The following RABGAP1L variants were observed in gnomAD, a reference collection of about 807,000 sequenced individuals.
RABGAP1L encodes rab GTPase-activating protein 1-like.
A neutral mutation model predicts 137.7 loss-of-function variants in RABGAP1L; 63 were observed. That is an observed-to-expected ratio of 0.46 (90% CI 0.37 to 0.56). The LOEUF (loss-of-function observed/expected upper bound fraction) is 0.56, where lower values mean the gene tolerates loss of function less well. Among genes scored for constraint, RABGAP1L ranks in the 20% least tolerant of loss-of-function variants. The probability of loss-of-function intolerance (pLI) is 0.00; values close to 1 mark genes in which losing one functional copy is unlikely to be tolerated. For missense variants in RABGAP1L, 1,095 were observed against 1,244.0 expected, an observed-to-expected ratio of 0.88 and a Z score of 1.80; for synonymous variants, 431 against 433.7, an observed-to-expected ratio of 0.99 and a Z score of 0.08.
chr1:174,597,452 G>T (rs1261981855), intron 13 of RABGAP1L, among the ~76,000 whole-genome samples: 1 of 152,042 alleles, frequency 6.6e-6, no homozygotes, highest in Non-Finnish European at 1.5e-5. Flanking sequence ...TAGGTTATAT[G>T]TGTCTAGGAA....
At chr1:174,296,898 A>G (rs1266917373) in intron 10 of RABGAP1L, among the ~76,000 whole-genome samples, 1 of 152,202 alleles carries the variant, frequency 6.6e-6, no homozygotes, top group Non-Finnish European at 1.5e-5. Flanking sequence ...GGATTCTTTG[A>G]TAGGGAACTG....
At chr1:174,637,178 A>G (rs967494427) in intron 13 of RABGAP1L, among the ~76,000 whole-genome samples, 197 bp from the exon 14 acceptor site, 1 of 152,138 alleles carries the variant, frequency 6.6e-6, no homozygotes, top group African/African-American at 2.4e-5. Context: ...GTATAGATAG[A>G]TGGGTGAAAA....
At chr1:174,201,100 CT>C (rs745513094) in intron 1 of RABGAP1L, among the ~76,000 whole-genome samples, 10 of 151,992 alleles carry the variant, frequency 6.6e-5, no homozygotes, top group Non-Finnish European at 1.5e-4. Flanking sequence ...TTTATAGAAA[CT>C]ATTTTTTAAT....
At chr1:174,462,956 A>T (rs1444473916) in intron 13 of RABGAP1L, among the ~76,000 whole-genome samples, 1 of 152,242 alleles carries the variant, frequency 6.6e-6, no homozygotes, top group Admixed American at 6.5e-5. Flanking sequence ...TCAAAACCAC[A>T]ATGAGATACC....
intron 13 of RABGAP1L, among the ~76,000 whole-genome samples, chr1:174,514,257 A>AC (rs1662605968): frequency 6.6e-6 from 1 of 150,932 alleles, no homozygotes; most frequent in African/African-American, 2.4e-5. Context: ...CAAAAAAAAA[A>AC]AAAAAAAAAA....
intron 13 of RABGAP1L, among the ~76,000 whole-genome samples, chr1:174,614,518 C>T (rs1352067030): frequency 6.6e-6 from 1 of 152,144 alleles, no homozygotes; most frequent in Non-Finnish European, 1.5e-5. Flanking sequence ...ACATTTTTTC[C>T]TTCATTTCAG....
intron 20 of RABGAP1L, among the ~76,000 whole-genome samples, chr1:174,962,771 A>G (rs1280657645): frequency 2.0e-5 from 3 of 152,180 alleles, no homozygotes; most frequent in African/African-American, 7.2e-5. Flanking sequence ...TTTCTTACTC[A>G]GGGGAGTCAA....
chr1:174,917,416 C>T lies in RABGAP1L; in HGVS notation c.2341-40041C>T, dbSNP rs147936907. Among the ~76,000 whole-genome samples the T allele has an allele frequency of 1.0e-3, 152 of 152,250 alleles. 1 individual carries two copies. Among genetic ancestry groups the T allele is most frequent in the African/African-American group, 3.6e-3 (148 of 41,546 alleles). On this transcript the variant is annotated intron_variant, in intron 19 of 25. Transcript: ENST00000681986. ...TCAGAAGACAAACATTGAGGACTTA[C>T]ATTGGAGACACTGTTATGGCGATTG...
intron 17 of RABGAP1L, among the ~76,000 whole-genome samples, chr1:174,715,530 T>A (rs538797708): frequency 6.6e-6 from 1 of 152,362 alleles, no homozygotes; most frequent in African/African-American, 2.4e-5. Flanking sequence ...CTAAAAGATT[T>A]ACATACCTTG....
chr1:174,986,538 C>G (rs754623120), intron 24 of RABGAP1L, among the ~76,000 whole-genome samples: 1 of 152,338 alleles, frequency 6.6e-6, no homozygotes, highest in Non-Finnish European at 1.5e-5. Flanking sequence ...GTATCCACCA[C>G]ATTTTAGCAG....
rs534755457 is a variant in RABGAP1L, at chr1:174,278,700, G to A, written c.1244G>A (p.Arg415His). The A allele has an allele frequency of 2.1e-5, 34 of 1,599,942 alleles. No individual in the cohort carries two copies. The highest frequency in any genetic ancestry group is 1.6e-4 in the East Asian group (7 of 44,494). ...PVRFLLETVV[R>H]VYPANERFWY... Reference sequence around the variant, plus strand: ...CGCTTTCTCCTGGAGACAGTAGTCCGTGTGTACCCTGCAAATGAGCGATTT... The same window carrying A: ...CGCTTTCTCCTGGAGACAGTAGTCCATGTGTACCCTGCAAATGAGCGATTT... The change falls in exon 10 of 26, where the codon CGT becomes CAT. Residue 415 changes from arginine (R) to histidine (H), a missense_variant. Arg to His is a conservative substitution (Grantham distance 29). Around this residue, in one of 4 missense-constraint regions of RABGAP1L, gnomAD observed 315 missense variants for 324.8 expected, o/e 0.97. Coordinates refer to ENST00000681986, the MANE Select transcript of RABGAP1L (RefSeq NM_001366446.1).
At chr1:174,358,310 A>C (rs1367330397) in intron 11 of RABGAP1L, among the ~76,000 whole-genome samples, 1 of 152,192 alleles carries the variant, frequency 6.6e-6, no homozygotes, top group Non-Finnish European at 1.5e-5. Context: ...GAAAGATTTA[A>C]ATTCATGTAG....
At chr1:174,680,340 G>T (rs1253162277) in intron 14 of RABGAP1L, among the ~76,000 whole-genome samples, 2 of 152,174 alleles carry the variant, frequency 1.3e-5, no homozygotes, top group African/African-American at 2.4e-5. Flanking sequence ...GAGGCCGGAA[G>T]GATCTTGTTT....
chr1:174,349,629 G>T (rs551136743), intron 11 of RABGAP1L, among the ~76,000 whole-genome samples: 3 of 135,288 alleles, frequency 2.2e-5, no homozygotes, highest in East Asian at 5.0e-4. Context: ...CTGGCCGGGT[G>T]GGGGGCTGAC....
At chr1:174,972,021 C>G (rs763785754) in intron 21 of RABGAP1L, among the ~76,000 whole-genome samples, 1 of 152,226 alleles carries the variant, frequency 6.6e-6, no homozygotes, top group Non-Finnish European at 1.5e-5. Context: ...TTCCCTCTGG[C>G]AGAGCCTTCC....
chr1:174,170,033 T>C (rs2148224778), intron 1 of RABGAP1L, among the ~76,000 whole-genome samples: 1 of 152,362 alleles, frequency 6.6e-6, no homozygotes, highest in Non-Finnish European at 1.5e-5. Flanking sequence ...AATAGTAGCT[T>C]TTAGACATTT....
chr1:174,547,797 C>T, intron 13 of RABGAP1L: 2 of 1,450,094 alleles, frequency 1.4e-6, no homozygotes, highest in African/African-American at 1.4e-5. Context: ...TTACCTATTA[C>T]ATAGTATTTG....
intron 14 of RABGAP1L, among the ~76,000 whole-genome samples, chr1:174,673,325 G>A (rs1026070720): frequency 1.3e-5 from 2 of 152,164 alleles, no homozygotes; most frequent in Non-Finnish European, 2.9e-5. Context: ...TGAACAGAGA[G>A]TGATAATATC....
At chr1:174,969,050 C>G (rs1343785925) in intron 20 of RABGAP1L, among the ~76,000 whole-genome samples, 1 of 152,182 alleles carries the variant, frequency 6.6e-6, no homozygotes, top group African/African-American at 2.4e-5. Flanking sequence ...GAAGTTCCAT[C>G]TTGAGAGTTT....
Sources: allele counts gnomAD v4.1 joint callset (sites outside exome capture counted in the v4.1 genomes callset), GRCh38; gene constraint gnomAD v4.1.1; regional missense constraint gnomAD v4.1.1; transcripts MANE v1.5; gene names NCBI Gene and HGNC (gene_info 2026-07-23, HGNC 2026-07-21).